FARS2: variants seen among roughly 807,000 people sequenced by gnomAD.
FARS2 encodes phenylalanine--tRNA ligase, mitochondrial.
A neutral mutation model predicts 46.4 loss-of-function variants in FARS2; 40 were observed. That is an observed-to-expected ratio of 0.86 (90% CI 0.67 to 1.12). The LOEUF (loss-of-function observed/expected upper bound fraction) is 1.12, where lower values mean the gene tolerates loss of function less well. Ranked by LOEUF, FARS2 falls within the 50% of genes most tolerant of loss-of-function variation. The pLI is 0.00. For missense variants in FARS2, 513 were observed against 567.9 expected, an observed-to-expected ratio of 0.90 and a Z score of 0.98; for synonymous variants, 234 against 214.9, an observed-to-expected ratio of 1.09 and a Z score of -0.78.
intron 6 of FARS2, among the ~76,000 whole-genome samples, chr6:5,722,988 A>G (rs1760008648): frequency 6.6e-6 from 1 of 152,236 alleles, no homozygotes; most frequent in Non-Finnish European, 1.5e-5. Context: ...TCAAGGGAGC[A>G]ATAAACAAGG....
rs139092620 is a variant in FARS2 at position 5,492,561 on chromosome 6, A to C, written c.905-52619A>C. On this transcript the variant is annotated intron_variant, in intron 4 of 6. Coordinates refer to ENST00000274680, the MANE Select transcript of FARS2 (RefSeq NM_006567.5). The stretch of plus-strand genomic sequence containing the variant: ...CAGCAATATAATCATGTCAGCAAAT[A>C]TTTATTGAGTATCTGCTATGTATTA... Among the ~76,000 whole-genome samples, 12 of 152,386 alleles carry C rather than the reference A, an allele frequency of 7.9e-5. No individual in the cohort carries two copies. In the East Asian group the frequency reaches 2.3e-3, roughly 29 times the overall value.
intron 6 of FARS2, among the ~76,000 whole-genome samples, chr6:5,618,244 C>G (rs1289336682): frequency 6.6e-6 from 1 of 152,122 alleles, no homozygotes; most frequent in East Asian, 1.9e-4. Context: ...ATTCCAAAAC[C>G]CTCTACTGGG....
At chr6:5,731,568 T>G (rs575198699) in intron 6 of FARS2, among the ~76,000 whole-genome samples, 2 of 152,330 alleles carry the variant, frequency 1.3e-5, no homozygotes, top group South Asian at 4.1e-4. Context: ...TGAACAGTTT[T>G]ATTCTGTTGT....
intron 6 of FARS2, among the ~76,000 whole-genome samples, chr6:5,629,811 A>G (rs1419989153): frequency 6.6e-6 from 1 of 151,208 alleles, no homozygotes; most frequent in Admixed American, 6.6e-5. Flanking sequence ...CTGACAATAT[A>G]AAAAAAAAGA....
intron 3 of FARS2, among the ~76,000 whole-genome samples, chr6:5,422,014 T>A (rs1225187168): frequency 6.6e-6 from 1 of 152,166 alleles, no homozygotes; most frequent in Non-Finnish European, 1.5e-5. Flanking sequence ...TTCACACTGG[T>A]GATAAAAACA....
intron 4 of FARS2, among the ~76,000 whole-genome samples, chr6:5,495,512 T>C (rs530224464): frequency 5.3e-5 from 8 of 152,202 alleles, no homozygotes; most frequent in Non-Finnish European, 1.0e-4. Flanking sequence ...TCTAGTCTAA[T>C]AGAAACATGG....
upstream of FARS2, chr6:5,260,712 G>C (rs974856145): frequency 1.3e-6 from 2 of 1,551,196 alleles, no homozygotes; most frequent in African/African-American, 2.7e-5. Flanking sequence ...GATAACACTT[G>C]TGCGCGACTG....
At position 5,539,406 on chromosome 6, in the gene FARS2, A is replaced by ATATTTTT. The variant is rs1226634056; in HGVS notation, c.905-5773_905-5772insATTTTTT. ...TGTGTATATATATATATATGTATAT[A>ATATTTTT]TTTTTTTAGTAGAGACGGGGTTTCA... is the stretch of plus-strand genomic sequence containing the variant. On this transcript the variant is annotated intron_variant, in intron 4 of 6. Coordinates refer to ENST00000274680, the MANE Select transcript of FARS2 (RefSeq NM_006567.5). Among the ~76,000 whole-genome samples the ATATTTTT allele has an allele frequency of 1.9e-4, 27 of 144,848 alleles. 1 individual carries two copies. The highest frequency in any genetic ancestry group is 7.0e-4 in the African/African-American group (27 of 38,302).
intron 4 of FARS2, among the ~76,000 whole-genome samples, chr6:5,502,067 A>T (rs541891879): frequency 6.6e-6 from 1 of 152,330 alleles, no homozygotes; most frequent in South Asian, 2.1e-4. Flanking sequence ...CTGACACACC[A>T]GTGGCTGGGG....
At chr6:5,601,822 CAT>C (rs1390027107) in intron 5 of FARS2, among the ~76,000 whole-genome samples, 2 of 152,120 alleles carry the variant, frequency 1.3e-5, no homozygotes, top group Non-Finnish European at 2.9e-5. Flanking sequence ...CATTGGTAAT[CAT>C]ATAATCACAA....
intron 6 of FARS2, among the ~76,000 whole-genome samples, chr6:5,663,198 A>G (rs1406508005): frequency 1.3e-5 from 2 of 152,234 alleles, no homozygotes; most frequent in Non-Finnish European, 1.5e-5. Flanking sequence ...GATATATAAT[A>G]ATCAGTAGCC....
chr6:5,379,407 T>TA (rs1308504466), intron 2 of FARS2, among the ~76,000 whole-genome samples: 2 of 152,158 alleles, frequency 1.3e-5, no homozygotes, highest in African/African-American at 4.8e-5. Context: ...TGTAAAGAAT[T>TA]ACAAACTCCA....
intron 6 of FARS2, among the ~76,000 whole-genome samples, chr6:5,673,305 A>C (rs774633929): frequency 4.6e-5 from 7 of 152,186 alleles, no homozygotes; most frequent in Non-Finnish European, 8.8e-5. Flanking sequence ...CCTGGAGCTG[A>C]AGTGAATGGG....
At chr6:5,426,960 A>G (rs1762889890) in intron 3 of FARS2, among the ~76,000 whole-genome samples, 1 of 152,230 alleles carries the variant, frequency 6.6e-6, no homozygotes, top group Non-Finnish European at 1.5e-5. Flanking sequence ...TAAAATGTGT[A>G]AGAAAATATG....
chr6:5,702,344 ATTTCTAGTAGCAT>A (rs1758495508), intron 6 of FARS2, among the ~76,000 whole-genome samples: 1 of 152,176 alleles, frequency 6.6e-6, no homozygotes, highest in Non-Finnish European at 1.5e-5. Flanking sequence ...GCTCAACCAG[ATTTCTAGTAGCAT>A]TTTTCTTCAG....
chr6:5,260,165 A>G (rs934766717), upstream of FARS2, among the ~76,000 whole-genome samples: 2 of 152,168 alleles, frequency 1.3e-5, no homozygotes, highest in African/African-American at 4.8e-5. Context: ...CTTGCAACCA[A>G]AAGAACTCAT....
At chr6:5,768,773 T>C (rs1299955071) in intron 6 of FARS2, among the ~76,000 whole-genome samples, 1 of 152,242 alleles carries the variant, frequency 6.6e-6, no homozygotes, top group Non-Finnish European at 1.5e-5. Context: ...TTTGTTTATC[T>C]TTGCAGAAAT....
intron 5 of FARS2, among the ~76,000 whole-genome samples, chr6:5,558,592 A>G (rs1233264170): frequency 6.6e-6 from 1 of 152,070 alleles, no homozygotes; most frequent in Non-Finnish European, 1.5e-5. Context: ...GCTCGAGTGC[A>G]GTGGCATGAT....
chr6:5,592,698 G>A (rs1773984003), intron 5 of FARS2, among the ~76,000 whole-genome samples: 1 of 152,214 alleles, frequency 6.6e-6, no homozygotes, highest in Non-Finnish European at 1.5e-5. Flanking sequence ...CCGATAGCCA[G>A]TAAGAATGGG....
Sources: allele counts gnomAD v4.1 joint callset (sites outside exome capture counted in the v4.1 genomes callset), GRCh38; gene constraint gnomAD v4.1.1; transcripts MANE v1.5; gene names NCBI Gene and HGNC (gene_info 2026-07-23, HGNC 2026-07-21).